The following GSG1L variants were observed in gnomAD, a reference collection of about 807,000 sequenced individuals.
GSG1L encodes germ cell-specific gene 1-like protein.
In GSG1L, 24 loss-of-function variants were observed where a neutral mutation model predicts 42.1. The observed-to-expected ratio is 0.57, with a 90% confidence interval of 0.41 to 0.80. GSG1L has a LOEUF of 0.80. GSG1L is among the 30% of genes least tolerant of loss of function. The pLI, the probability that GSG1L is intolerant of heterozygous loss-of-function variation, is 0.00. For missense variants in GSG1L, 445 were observed against 472.2 expected (o/e 0.94, Z 0.53); for synonymous variants, 215 against 203.5 (o/e 1.06, Z -0.48).
intron 2 of GSG1L, among the ~76,000 whole-genome samples, chr16:27,942,089 T>C (rs2084804057): frequency 1.3e-5 from 2 of 151,998 alleles, no homozygotes; most frequent in South Asian, 4.1e-4. Flanking sequence ...TAAAAATGGT[T>C]AAAATGGTAA....
intron 5 of GSG1L, among the ~76,000 whole-genome samples, chr16:27,815,138 C>T (rs563292605): frequency 5.1e-4 from 77 of 152,240 alleles, no homozygotes; most frequent in African/African-American, 1.8e-3. Context: ...AAGAAACATC[C>T]ACTGATATGG....
At chr16:27,842,584 A>G (rs73519008) in intron 4 of GSG1L, among the ~76,000 whole-genome samples, 2 of 151,718 alleles carry the variant, frequency 1.3e-5, no homozygotes, top group Non-Finnish European at 2.9e-5. Flanking sequence ...TCAAGGTCTC[A>G]GGAAGGAACA....
At chr16:27,827,385 C>A (rs2083222529) in intron 5 of GSG1L, among the ~76,000 whole-genome samples, 1 of 152,130 alleles carries the variant, frequency 6.6e-6, no homozygotes, top group South Asian at 2.1e-4. Flanking sequence ...ATTGTGCAAG[C>A]CCTGCCACAA....
chr16:27,804,037 G>GGATAGATAGAAACA (rs1555500772), intron 6 of GSG1L, among the ~76,000 whole-genome samples: 1 of 132,676 alleles, frequency 7.5e-6, no homozygotes, highest in African/African-American at 3.1e-5. Flanking sequence ...TAGATTAGAT[G>GGATAGATAGAAACA]GATAGATAGA....
intron 3 of GSG1L, among the ~76,000 whole-genome samples, chr16:27,865,627 ATGTGTGTATATATG>A (rs2083715211): frequency 7.0e-6 from 1 of 143,386 alleles, no homozygotes; most frequent in Non-Finnish European, 1.5e-5. Context: ...ACACATATAT[ATGTGTGTATATATG>A]TGTGTGTATG....
chr16:27,974,569 G>T (rs1198311207), intron 1 of GSG1L, among the ~76,000 whole-genome samples: 3 of 152,236 alleles, frequency 2.0e-5, no homozygotes, highest in Admixed American at 6.5e-5. Flanking sequence ...TTGGCTAGAA[G>T]AAGTGAGAGT....
intron 1 of GSG1L, among the ~76,000 whole-genome samples, chr16:28,043,743 C>T (rs779795517): frequency 3.9e-5 from 6 of 152,198 alleles, no homozygotes; most frequent in African/African-American, 1.2e-4. Flanking sequence ...CGGTTTGGGC[C>T]GGGTGTGGTG....
At chr16:27,854,894 C>T (rs1360626600) in intron 3 of GSG1L, among the ~76,000 whole-genome samples, 1 of 152,088 alleles carries the variant, frequency 6.6e-6, no homozygotes, top group East Asian at 1.9e-4. Context: ...CGGGGAAAGC[C>T]ACCCTTGGAT....
chr16:27,825,967 G>T (rs1567472355), intron 5 of GSG1L, among the ~76,000 whole-genome samples: 1 of 152,112 alleles, frequency 6.6e-6, no homozygotes, highest in African/African-American at 2.4e-5. Context: ...AAATTACCCA[G>T]TCTCAGTTGT....
intron 2 of GSG1L, among the ~76,000 whole-genome samples, chr16:27,894,618 C>G (rs576412985): frequency 1.3e-5 from 2 of 152,096 alleles, no homozygotes; most frequent in Non-Finnish European, 2.9e-5. Context: ...GGGCTGGCAA[C>G]GTCTCTGTGG....
At chr16:27,902,913 C>T (rs867147547) in intron 2 of GSG1L, among the ~76,000 whole-genome samples, 2 of 152,052 alleles carry the variant, frequency 1.3e-5, no homozygotes, top group Non-Finnish European at 2.9e-5. Flanking sequence ...TGCTCAATGT[C>T]GGGTGCCATG....
In GSG1L at chr16:27,789,362, T is replaced by A. The variant is rs994470842; in HGVS notation, c.*2008A>T. The A allele has an allele frequency of 2.1e-5, 3 of 145,270 alleles. No individual in the cohort carries two copies. Among genetic ancestry groups the A allele is most frequent in the Non-Finnish European group, 1.5e-5 (1 of 65,676 alleles). 9.0% of individuals were successfully genotyped at this position (145,270 alleles called of 1,614,324 possible). On this transcript the variant is annotated 3_prime_UTR_variant, in exon 7 of 7. Transcript: ENST00000447459. ...GGATGACGGATAATGGATGGATGGA[T>A]GGTTGATGGATAATGGGCAGATGGA...
intron 5 of GSG1L, among the ~76,000 whole-genome samples, chr16:27,812,666 G>A (rs1203511532): frequency 6.6e-6 from 1 of 152,168 alleles, no homozygotes; most frequent in Non-Finnish European, 1.5e-5. Context: ...GAAAACCACT[G>A]GTGCAGGGAC....
In GSG1L at chr16:28,016,970, G is replaced by C. The variant is rs1444706081; in HGVS notation, c.349+46106C>G. On this transcript the variant is annotated intron_variant, in intron 1 of 6. Transcript: ENST00000447459. ...TCCTAGATCTTGCCTCCGCCTTTAG[G>C]GTTGATTATACAAAACGCAGAGGCA... Among the ~76,000 whole-genome samples, 5 of 152,294 alleles carry C rather than the reference G, an allele frequency of 3.3e-5. No individual in the cohort carries two copies. In the South Asian group the frequency reaches 1.0e-3, roughly 32 times the overall value.
At chr16:28,035,726 AT>A (rs1567564154) in intron 1 of GSG1L, among the ~76,000 whole-genome samples, 4 of 152,168 alleles carry the variant, frequency 2.6e-5, no homozygotes, top group Non-Finnish European at 5.9e-5. Context: ...AGAATCAGAG[AT>A]TTCCTCATAC....
chr16:27,845,908 C>CTTT (rs201845873), intron 3 of GSG1L, among the ~76,000 whole-genome samples: 1 of 147,034 alleles, frequency 6.8e-6, no homozygotes. Flanking sequence ...AATTAATAAA[C>CTTT]TTTTTTTTTT....
chr16:27,869,477 AT>A (rs1567495855), intron 3 of GSG1L, among the ~76,000 whole-genome samples: 1 of 128,132 alleles, frequency 7.8e-6, no homozygotes, highest in East Asian at 2.3e-4. Flanking sequence ...GTCTCCCTCC[AT>A]CTCTCTCTCT....
chr16:27,938,899 T>C (rs2084752180), intron 2 of GSG1L, among the ~76,000 whole-genome samples: 1 of 152,104 alleles, frequency 6.6e-6, no homozygotes, highest in Admixed American at 6.5e-5. Flanking sequence ...GGAGCCAAGG[T>C]TCTGAGCCTT....
intron 2 of GSG1L, among the ~76,000 whole-genome samples, chr16:27,885,264 C>T (rs1435424205): frequency 6.6e-6 from 1 of 152,148 alleles, no homozygotes; most frequent in Non-Finnish European, 1.5e-5. Flanking sequence ...ATCCTACCAC[C>T]TCAGCCTCTC....
Sources: gnomAD v4.1 joint callset for allele counts (sites outside exome capture counted in the v4.1 genomes callset) on GRCh38, gnomAD v4.1.1 for gene constraint, MANE v1.5 for transcripts, NCBI Gene and HGNC (gene_info 2026-07-23, HGNC 2026-07-21) for gene names.